Variants in CSN3 observed in about 807,000 individuals in gnomAD.
CSN3 encodes casein kappa.
Under a neutral mutation model 9.9 loss-of-function variants are expected in CSN3, and 7 were observed. The ratio of observed to expected loss-of-function variants is 0.71; its 90% CI spans 0.40 to 1.33. The LOEUF is 1.33. CSN3 is among the 40% of genes most tolerant of loss of function. The pLI is 0.01. For missense variants in CSN3, 253 were observed against 227.9 expected, an observed-to-expected ratio of 1.11 and a Z score of -0.71; for synonymous variants, 88 against 82.3, an observed-to-expected ratio of 1.07 and a Z score of -0.37.
chr4:70,242,776 T>G (rs1309657298), intron 1 of CSN3, 111 bp downstream of exon 1: 4 of 152,122 alleles, frequency 2.6e-5, no homozygotes, highest in Non-Finnish European at 5.9e-5. Flanking sequence ...ATTGTTAAGT[T>G]TGAATATGAC....
intron 2 of CSN3, 123 bp from the exon 3 acceptor site, chr4:70,247,695 T>G: frequency 1.2e-6 from 1 of 840,786 alleles, no homozygotes; most frequent in South Asian, 1.7e-5. Flanking sequence ...ATGAAAAATG[T>G]TTTAAAAAAT....
intron 2 of CSN3, among the ~76,000 whole-genome samples, chr4:70,246,688 T>G (rs980098600): frequency 1.4e-5 from 2 of 143,880 alleles, no homozygotes; most frequent in African/African-American, 5.2e-5. Flanking sequence ...TTTTTTTTTT[T>G]TGAGACAGAG....
upstream of CSN3, among the ~76,000 whole-genome samples, chr4:70,240,652 A>C (rs749879829): frequency 2.0e-4 from 31 of 152,018 alleles, no homozygotes; most frequent in Non-Finnish European, 3.4e-4. Flanking sequence ...CACTCAAAAC[A>C]CTTTCACTAA....
intron 1 of CSN3, 122 bp from the exon 2 acceptor site, chr4:70,244,690 C>T (rs914411545): frequency 2.3e-5 from 10 of 431,972 alleles, no homozygotes; most frequent in South Asian, 1.9e-4. Flanking sequence ...TTTTTCACAT[C>T]GGCTAAATCT....
At chr4:70,244,377 CTA>C (rs1227225563) in intron 1 of CSN3, among the ~76,000 whole-genome samples, 2 of 152,040 alleles carry the variant, frequency 1.3e-5, no homozygotes, top group East Asian at 3.9e-4. Context: ...CAAGCCTCAT[CTA>C]TATGTCATTT....
chr4:70,250,777 T>C (rs531592007), intron 4 of CSN3, among the ~76,000 whole-genome samples: 1 of 152,302 alleles, frequency 6.6e-6, no homozygotes, highest in Non-Finnish European at 1.5e-5. Flanking sequence ...TAGTGGGGTT[T>C]AATTACTATG....
At chr4:70,242,281 T>TGGCCCAAAGGTGACCCTGC (rs1353772486), upstream of CSN3, among the ~76,000 whole-genome samples, 2 of 10,802 alleles carry the variant, frequency 1.9e-4, no homozygotes, top group Non-Finnish European at 3.6e-4. Context: ...CATTTCTTTT[T>TGGCCCAAAGGTGACCCTGC]TATTTTATTT....
chr4:70,247,853 A>G lies in CSN3; in HGVS notation c.87+3A>G, dbSNP rs1373575625. 17 of 1,596,952 alleles carry G rather than the reference A, an allele frequency of 1.1e-5. No individual in the cohort carries two copies. The highest frequency in any genetic ancestry group is 2.7e-5 in the African/African-American group (2 of 73,748). ...TTCAAAACCAGAAACAACCAGCAGT[A>G]AGTCTATTTTAATTACTTCTGTTAC... is the stretch of plus-strand genomic sequence containing the variant. On this transcript the variant is annotated splice_donor_region_variant and intron_variant, in intron 3 of 4. Coordinates refer to ENST00000304954, the Ensembl canonical transcript of CSN3.
At chr4:70,247,706 AAAAAGAAAACATATTTTGTCTTTAACAC>A in intron 2 of CSN3, 84 bp from the exon 3 acceptor site, 1 of 922,886 alleles carries the variant, frequency 1.1e-6, no homozygotes, top group Non-Finnish European at 1.6e-6. Flanking sequence ...TTTAAAAAAT[AAAAAGAAAACATATTTTGTCTTTAACAC>A]AAAAGATTTT....
At chr4:70,249,159 C>A (rs890911996) in exon 4 of CSN3, 1 of 1,613,890 alleles carries the variant, frequency 6.2e-7, no homozygotes, top group Non-Finnish European at 8.5e-7. Context: ...ATTATGCAAA[C>A]CCAGCTGTAG....
At chr4:70,246,703 G>C (rs1028482368) in intron 2 of CSN3, among the ~76,000 whole-genome samples, 1 of 133,528 alleles carries the variant, frequency 7.5e-6, no homozygotes, top group African/African-American at 2.8e-5. Context: ...ACAGAGTCTC[G>C]CTTGGTCGCC....
Position 70,247,738 on chromosome 4 carries a change from AG to A in CSN3, c.55-79del, listed in dbSNP as rs1325845751. The A allele has an allele frequency of 1.0e-5, 12 of 1,197,668 alleles. No homozygotes were observed. In the Admixed American group the frequency reaches 2.8e-4, roughly 28 times the overall value. 74.2% of individuals were successfully genotyped at this position (1,197,668 alleles called of 1,614,324 possible). A position where few individuals can be genotyped will look rare whatever the true frequency, so the allele number is the denominator to read the frequency against. Reference sequence around the variant, plus strand: ...AAACATATTTTGTCTTTAACACAAAAGATTTTTTTAACTGATTTAAGTACTT... The same window carrying A: ...AAACATATTTTGTCTTTAACACAAAAATTTTTTTAACTGATTTAAGTACTT... On this transcript the variant is annotated intron_variant, in intron 2 of 4. Coordinates refer to ENST00000304954, the Ensembl canonical transcript of CSN3.
At chr4:70,248,900 A>G (rs1578255105) in intron 3 of CSN3, 98 bp from the exon 4 acceptor site, 2 of 809,062 alleles carry the variant, frequency 2.5e-6, no homozygotes, top group African/African-American at 3.5e-5. Flanking sequence ...ATCTTACTCA[A>G]TGGTAAATAC....
In CSN3 at chr4:70,249,143, G is replaced by A. The variant is rs577013157; in HGVS notation, c.233G>A (p.Arg78His). ...GCAATTAATAATCCATATGTGCCTCGCACATATTATGCAAACCCAGCTGTA... is the reference window on the plus strand; with the variant it reads ...GCAATTAATAATCCATATGTGCCTCACACATATTATGCAAACCCAGCTGTA... The change falls in exon 4 of 5, where the codon CGC becomes CAC. Residue 78 changes from arginine to histidine, a missense_variant. Transcript: ENST00000304954. 77 of 1,613,946 alleles carry A rather than the reference G, an allele frequency of 4.8e-5. No homozygotes were observed. Among genetic ancestry groups the A allele is most frequent in the South Asian group, 4.4e-4 (40 of 91,070 alleles).
At chr4:70,243,165 G>T (rs991974001) in intron 1 of CSN3, 78 of 977,474 alleles carry the variant, frequency 8.0e-5, no homozygotes, top group Non-Finnish European at 9.2e-5. Flanking sequence ...AGTGATGAGG[G>T]CAAATGCAAA....
rs182272607 is a variant in CSN3, at chr4:70,246,142, A to G, written c.54+1269A>G. 1.1e-4 allele frequency among the ~76,000 whole-genome samples: 17 copies of G among 152,312 alleles called. 1 individual carries two copies. Among genetic ancestry groups the G allele is most frequent in the Admixed American group, 7.9e-4 (12 of 15,278 alleles). On this transcript the variant is annotated intron_variant, in intron 2 of 4. Transcript: ENST00000304954. ...CAAATTTATACAAATTAAAACATCA[A>G]TGTGATACCATGTTATATGTACTAT...
intron 2 of CSN3, among the ~76,000 whole-genome samples, chr4:70,245,655 C>T (rs901486646): frequency 6.6e-6 from 1 of 152,052 alleles, no homozygotes; most frequent in African/African-American, 2.4e-5. Context: ...TATATGTCCT[C>T]CTCCTAGATT....
At chr4:70,241,509 T>G (rs897149494), upstream of CSN3, among the ~76,000 whole-genome samples, 14 of 152,186 alleles carry the variant, frequency 9.2e-5, no homozygotes, top group Admixed American at 3.9e-4. Flanking sequence ...TCCTGTAAGT[T>G]CCTCAATCTG....
upstream of CSN3, among the ~76,000 whole-genome samples, chr4:70,241,162 G>A (rs551319593): frequency 9.9e-4 from 150 of 151,928 alleles, no homozygotes; most frequent in Middle Eastern, 6.8e-3. Context: ...AGGAATGACC[G>A]GATCATGATC....
Sources: gnomAD v4.1 joint callset for allele counts (sites outside exome capture counted in the v4.1 genomes callset) on GRCh38, gnomAD v4.1.1 for gene constraint, MANE v1.5 for transcripts, NCBI Gene and HGNC (gene_info 2026-07-23, HGNC 2026-07-21) for gene names.